Variants in CEP55 observed in about 807,000 individuals in gnomAD.
CEP55 encodes centrosomal protein 55.
Under a neutral mutation model 63.2 loss-of-function variants are expected in CEP55, and 57 were observed. That is an observed-to-expected ratio of 0.90 (90% confidence interval 0.73 to 1.13). CEP55 has a LOEUF of 1.13. Ranked by LOEUF, CEP55 falls within the 50% of genes most tolerant of loss-of-function variation. The probability of loss-of-function intolerance (pLI) is 0.00; values close to 1 mark genes in which losing one functional copy is unlikely to be tolerated. For missense variants in CEP55, 456 were observed against 518.9 expected, an observed-to-expected ratio of 0.88 and a Z score of 1.18; for synonymous variants, 178 against 191.6, an observed-to-expected ratio of 0.93 and a Z score of 0.59.
chr10:93,524,093 G>A (rs1303643472), intron 8 of CEP55, among the ~76,000 whole-genome samples: 6 of 152,098 alleles, frequency 3.9e-5, no homozygotes, highest in African/African-American at 1.2e-4. Context: ...TAAGATCAGA[G>A]CAGAACTGAA....
chr10:93,508,229 T>G (rs917389051), intron 4 of CEP55, among the ~76,000 whole-genome samples: 1 of 152,194 alleles, frequency 6.6e-6, no homozygotes, highest in Non-Finnish European at 1.5e-5. Flanking sequence ...CTACTTACAG[T>G]GTATTTTTTT....
intron 4 of CEP55, among the ~76,000 whole-genome samples, chr10:93,508,810 C>G (rs1294715453): frequency 6.6e-6 from 1 of 152,160 alleles, no homozygotes; most frequent in African/African-American, 2.4e-5. Flanking sequence ...ACCACTTTGT[C>G]TAAAATTATA....
In CEP55 at chr10:93,503,308, G is replaced by A. The variant is rs199894468; in HGVS notation, c.379G>A (p.Val127Ile). The change falls in exon 3 of 9, where the codon GTA becomes ATA. Residue 127 changes from valine to isoleucine, a missense_variant. Val to Ile is a conservative substitution (Grantham distance 29). Coordinates refer to ENST00000371485, the MANE Select transcript of CEP55 (RefSeq NM_018131.5). ...GAAAGCCTTATCTGAAGAGAAAGACGTATTGAAACAACAGTTGTCTGCTGC... is the reference window on the plus strand; with the variant it reads ...GAAAGCCTTATCTGAAGAGAAAGACATATTGAAACAACAGTTGTCTGCTGC... ...VLKALSEEKD[V>I]LKQQLSAATS... The A allele has an allele frequency of 6.3e-4, 1,016 of 1,614,122 alleles. No homozygotes were observed. The highest frequency in any genetic ancestry group is 8.2e-4 in the Middle Eastern group (5 of 6,062).
At chr10:93,520,990 T>C (rs753179190) in intron 8 of CEP55, among the ~76,000 whole-genome samples, 14 of 152,168 alleles carry the variant, frequency 9.2e-5, no homozygotes, top group Admixed American at 5.9e-4. Context: ...GGTTCCAAGA[T>C]GGCTGAATAG....
At position 93,528,208 on chromosome 10, in the gene CEP55, C is replaced by A; in HGVS notation, c.*55C>A. On this transcript the variant is annotated 3_prime_UTR_variant, in exon 9 of 9. Coordinates refer to ENST00000371485, the MANE Select transcript of CEP55 (RefSeq NM_018131.5). ...GATTCAATACTGTATTTTCTGTTAG[C>A]TTGTGGGCATTTTGAATTATATATT... The A allele has an allele frequency of 6.8e-7, 1 of 1,463,858 alleles. No homozygotes were observed. Among genetic ancestry groups the A allele is most frequent in the Non-Finnish European group, 9.5e-7 (1 of 1,051,360 alleles). 90.7% of individuals were successfully genotyped at this position (1,463,858 alleles called of 1,614,324 possible). A position where few individuals can be genotyped will look rare whatever the true frequency, so the allele number is the denominator to read the frequency against.
chr10:93,514,829 G>A (rs2057786392), intron 4 of CEP55, among the ~76,000 whole-genome samples: 1 of 152,212 alleles, frequency 6.6e-6, no homozygotes, highest in Admixed American at 6.5e-5. Flanking sequence ...CTGGAGTGCA[G>A]GGGCATGATC....
At chr10:93,511,921 AAAAAT>A (rs1200369490) in intron 4 of CEP55, among the ~76,000 whole-genome samples, 3 of 151,928 alleles carry the variant, frequency 2.0e-5, no homozygotes, top group African/African-American at 4.8e-5. Context: ...AAAAGAAAAG[AAAAAT>A]AAAATAAATA....
At chr10:93,512,735 G>A (rs972055064) in intron 4 of CEP55, among the ~76,000 whole-genome samples, 3 of 151,976 alleles carry the variant, frequency 2.0e-5, no homozygotes, top group African/African-American at 4.8e-5. Flanking sequence ...CTGATCCTGG[G>A]TTTCTCATGA....
intron 4 of CEP55, among the ~76,000 whole-genome samples, chr10:93,507,996 G>A (rs2037615): frequency 0.53 from 80,681 of 152,082 alleles, 23,415 homozygotes; most frequent in Non-Finnish European, 0.65. Flanking sequence ...TTCTCTTTTG[G>A]TTTATCCATG....
intron 2 of CEP55, among the ~76,000 whole-genome samples, chr10:93,500,450 T>C (rs1372082198): frequency 2.0e-5 from 3 of 152,218 alleles, no homozygotes; most frequent in Non-Finnish European, 4.4e-5. Context: ...ACCTTTTAAA[T>C]GTAATTGAGT....
chr10:93,504,035 G>A (rs73323500), intron 3 of CEP55, among the ~76,000 whole-genome samples: 1,919 of 151,908 alleles, frequency 0.013, 43 homozygotes, highest in African/African-American at 0.044. Flanking sequence ...AATCAGGATA[G>A]GAATAGTGAG....
chr10:93,524,318 C>G (rs991346220), intron 8 of CEP55, among the ~76,000 whole-genome samples: 1 of 152,158 alleles, frequency 6.6e-6, no homozygotes, highest in African/African-American at 2.4e-5. Flanking sequence ...CACCTCTACG[C>G]AAATAAACTA....
At chr10:93,527,810 G>T in intron 8 of CEP55, 140 bp from the exon 9 acceptor site, 1 of 669,858 alleles carries the variant, frequency 1.5e-6, no homozygotes, top group Non-Finnish European at 2.6e-6. Flanking sequence ...AAGCCTGGGA[G>T]GTCGAGGCTG....
At chr10:93,513,955 T>A (rs1229085387) in intron 4 of CEP55, among the ~76,000 whole-genome samples, 1 of 151,576 alleles carries the variant, frequency 6.6e-6, no homozygotes, top group Non-Finnish European at 1.5e-5. Context: ...CTCCCCTTTT[T>A]TTTTTTTGAG....
chr10:93,498,744 T>C (rs1328110726), intron 1 of CEP55, among the ~76,000 whole-genome samples: 1 of 152,178 alleles, frequency 6.6e-6, no homozygotes, highest in Non-Finnish European at 1.5e-5. Context: ...CATGAACCCT[T>C]GTTTGTTTCC....
chr10:93,521,758 G>A (rs1036254313), intron 8 of CEP55, among the ~76,000 whole-genome samples: 1 of 152,166 alleles, frequency 6.6e-6, no homozygotes, highest in Non-Finnish European at 1.5e-5. Flanking sequence ...TTCCAGAGGA[G>A]CAATCAGGCA....
At position 93,516,937 on chromosome 10, in the gene CEP55, T is replaced by C. The variant is rs376123064; in HGVS notation, c.682T>C (p.Tyr228His). The change falls in exon 6 of 9, where the codon TAT becomes CAT. Residue 228 changes from tyrosine to histidine, a missense_variant and splice_region_variant. Tyr to His is a moderately conservative substitution (Grantham distance 83, BLOSUM62 2). Transcript: ENST00000371485. ...QQTKKPESEG[Y>H]LQEEKQKCYN... ...TGCCGTAATGTTGTTTGTCATAGGT[T>C]ATCTTCAAGAAGAGAAGCAGAAATG... 9.2e-5 allele frequency: 144 copies of C among 1,572,984 alleles called. 1 individual carries two copies. Among genetic ancestry groups the C allele is most frequent in the Non-Finnish European group, 1.2e-4 (137 of 1,157,690 alleles).
intron 6 of CEP55, 25 bp downstream of exon 6, chr10:93,517,273 C>T (rs754787485): frequency 1.1e-4 from 164 of 1,548,548 alleles, no homozygotes; most frequent in Non-Finnish European, 1.4e-4. Flanking sequence ...ATCCATAATT[C>T]AGAGTGTTCA....
At chr10:93,508,234 T>A (rs1299872560) in intron 4 of CEP55, among the ~76,000 whole-genome samples, 1 of 152,214 alleles carries the variant, frequency 6.6e-6, no homozygotes, top group Non-Finnish European at 1.5e-5. Context: ...TACAGTGTAT[T>A]TTTTTCAAGT....
Sources: gnomAD v4.1 joint callset for allele counts (sites outside exome capture counted in the v4.1 genomes callset) on GRCh38, gnomAD v4.1.1 for gene constraint, MANE v1.5 for transcripts, NCBI Gene and HGNC (gene_info 2026-07-23, HGNC 2026-07-21) for gene names.